CAMTA1: variants seen among roughly 807,000 people sequenced by gnomAD.
CAMTA1 encodes calmodulin binding transcription activator 1, also known as calmodulin-binding transcription activator 1.
A neutral mutation model predicts 170.9 loss-of-function variants in CAMTA1; 27 were observed. The ratio of observed to expected loss-of-function variants is 0.16; its 90% confidence interval spans 0.12 to 0.22. CAMTA1 has a LOEUF of 0.22. Among genes scored for constraint, CAMTA1 ranks in the 10% least tolerant of loss-of-function variants. CAMTA1 has a pLI of 1.00. For synonymous variants in CAMTA1, 833 were observed against 891.5 expected (o/e 0.93, Z 1.17); for missense variants, 1,619 against 2,217.2 (o/e 0.73, Z 5.42).
intron 3 of CAMTA1, among the ~76,000 whole-genome samples, chr1:6,999,487 G>A (rs2100593665): frequency 6.6e-6 from 1 of 152,262 alleles, no homozygotes; most frequent in African/African-American, 2.4e-5. Flanking sequence ...AGGCTCGGGT[G>A]ATCCTCCTAT....
intron 6 of CAMTA1, among the ~76,000 whole-genome samples, chr1:7,516,760 A>G (rs914205726): frequency 1.3e-5 from 2 of 152,226 alleles, no homozygotes; most frequent in Non-Finnish European, 2.9e-5. Flanking sequence ...CCCACAGGCC[A>G]GAAGAAGGGG....
intron 4 of CAMTA1, among the ~76,000 whole-genome samples, chr1:7,167,578 C>T (rs1648741083): frequency 6.6e-6 from 1 of 152,190 alleles, no homozygotes; most frequent in Admixed American, 6.5e-5. Flanking sequence ...TTCTGCATTT[C>T]ACCTATTCTT....
At chr1:7,354,998 A>G (rs751899694) in intron 5 of CAMTA1, among the ~76,000 whole-genome samples, 2 of 151,892 alleles carry the variant, frequency 1.3e-5, no homozygotes, top group Non-Finnish European at 2.9e-5. Context: ...TTGAGCTCAG[A>G]AGTTTGAGAC....
intron 3 of CAMTA1, among the ~76,000 whole-genome samples, chr1:6,833,217 AGAAATTCCTGTG>A (rs1186518855): frequency 6.6e-6 from 1 of 152,220 alleles, no homozygotes; most frequent in East Asian, 1.9e-4. Flanking sequence ...CTTTTAAGGA[AGAAATTCCTGTG>A]GGTCTTCCTC....
intron 6 of CAMTA1, among the ~76,000 whole-genome samples, chr1:7,564,127 G>T (rs145643531): frequency 6.6e-6 from 1 of 152,184 alleles, no homozygotes; most frequent in Non-Finnish European, 1.5e-5. Flanking sequence ...GGGGCTCTCC[G>T]GATGTTCCGA....
intron 4 of CAMTA1, among the ~76,000 whole-genome samples, chr1:7,192,752 T>G (rs1654778991): frequency 6.6e-6 from 1 of 152,038 alleles, no homozygotes; most frequent in Non-Finnish European, 1.5e-5. Flanking sequence ...GCGAGCCTAG[T>G]GGGATTATGT....
At chr1:6,990,021 A>G (rs1425294428) in intron 3 of CAMTA1, among the ~76,000 whole-genome samples, 2 of 152,114 alleles carry the variant, frequency 1.3e-5, no homozygotes, top group Non-Finnish European at 2.9e-5. Context: ...GCTTCCCTGG[A>G]AAGCTCACCC....
At chr1:7,729,782 A>G (rs1034963843) in intron 11 of CAMTA1, among the ~76,000 whole-genome samples, 1 of 152,258 alleles carries the variant, frequency 6.6e-6, no homozygotes, top group Admixed American at 6.5e-5. Context: ...ATATCTGCAC[A>G]GTGACGCAGT....
chr1:6,914,394 A>C (rs1408038286), intron 3 of CAMTA1, among the ~76,000 whole-genome samples: 2 of 152,122 alleles, frequency 1.3e-5, no homozygotes, highest in Non-Finnish European at 2.9e-5. Context: ...GAACCACCAC[A>C]CCTGGCCATC....
At chr1:7,193,818 C>G (rs1655005047) in intron 4 of CAMTA1, among the ~76,000 whole-genome samples, 1 of 152,164 alleles carries the variant, frequency 6.6e-6, no homozygotes, top group South Asian at 2.1e-4. Context: ...TCCGAGTGCT[C>G]CTTTAGGTGT....
intron 3 of CAMTA1, among the ~76,000 whole-genome samples, chr1:6,993,116 C>G (rs2100471622): frequency 6.6e-6 from 1 of 152,302 alleles, no homozygotes. Context: ...ACCTCACTGT[C>G]TTGATTATTG....
At chr1:7,103,414 C>T (rs1267952743) in intron 4 of CAMTA1, among the ~76,000 whole-genome samples, 1 of 62,462 alleles carries the variant, frequency 1.6e-5, no homozygotes, top group Non-Finnish European at 3.0e-5. Context: ...CGCACACACA[C>T]AGCACACACA....
intron 4 of CAMTA1, among the ~76,000 whole-genome samples, chr1:7,176,798 A>G (rs997565412): frequency 1.3e-5 from 2 of 152,186 alleles, no homozygotes; most frequent in Admixed American, 6.5e-5. Flanking sequence ...TGGCTGTGCC[A>G]TCTTGGGCAG....
At chr1:7,619,958 G>A (rs1037107747) in intron 6 of CAMTA1, among the ~76,000 whole-genome samples, 17 of 152,332 alleles carry the variant, frequency 1.1e-4, no homozygotes, top group Admixed American at 1.1e-3. Context: ...ATGTGATGCT[G>A]TCATTAAATG....
At chr1:7,203,998 A>T (rs1212312046) in intron 4 of CAMTA1, among the ~76,000 whole-genome samples, 30 of 132,624 alleles carry the variant, frequency 2.3e-4, no homozygotes, top group African/African-American at 9.8e-4. Context: ...TGCCCGGCTA[A>T]TTTTTTTTTT....
Position 7,732,452 on chromosome 1 carries a change from C to CG in CAMTA1, c.2919_2920insG (p.Gln974AlafsTer62). 1 of 1,613,674 alleles carries CG rather than the reference C, an allele frequency of 6.2e-7. No homozygotes were observed. Among genetic ancestry groups the CG allele is most frequent in the Non-Finnish European group, 8.5e-7 (1 of 1,179,730 alleles). On this transcript the variant is annotated frameshift_variant, in exon 12 of 23. Coordinates refer to ENST00000303635, the MANE Select transcript of CAMTA1 (RefSeq NM_015215.4). LOFTEE classifies it high-confidence loss of function. This position sits in a 1 kb window ranked among gnomAD's most constrained non-coding sequence, Gnocchi z 4.1. ...CTTCCTCCTGCTCTGCCCTAGATAA[C>CG]CAGTTCAGGATGTCCATCCTGGAAC...
intron 1 of CAMTA1, among the ~76,000 whole-genome samples, chr1:6,810,809 A>C (rs1444463335): frequency 1.3e-5 from 2 of 152,164 alleles, no homozygotes; most frequent in East Asian, 3.9e-4. Flanking sequence ...GTTTCAAAAA[A>C]AAAAGCTGTT....
intron 5 of CAMTA1, among the ~76,000 whole-genome samples, chr1:7,291,789 G>T (rs1393044504): frequency 6.6e-6 from 1 of 152,226 alleles, no homozygotes; most frequent in Non-Finnish European, 1.5e-5. Context: ...AGTTTTGGTT[G>T]TCACCCACAT....
At chr1:7,393,459 G>A (rs1390384470) in intron 5 of CAMTA1, among the ~76,000 whole-genome samples, 5 of 151,670 alleles carry the variant, frequency 3.3e-5, no homozygotes, top group African/African-American at 1.2e-4. Context: ...TCTTTTTTTT[G>A]TAGAGATAGG....
Sources: gnomAD v4.1 joint callset for allele counts (sites outside exome capture counted in the v4.1 genomes callset) on GRCh38, gnomAD v4.1.1 for gene constraint, Gnocchi (gnomAD v3.1) non-coding constraint, MANE v1.5 for transcripts, NCBI Gene and HGNC (gene_info 2026-07-23, HGNC 2026-07-21) for gene names.